Variants in LAMA4 observed in about 807,000 individuals in gnomAD.
The protein encoded by LAMA4 is laminin subunit alpha-4.
A neutral mutation model predicts 207.1 loss-of-function variants in LAMA4; 127 were observed. That is an observed-to-expected ratio of 0.61 (90% CI 0.53 to 0.71). The LOEUF is 0.71. Ranked by LOEUF, LAMA4 falls within the 30% of genes least tolerant of loss-of-function variation. The pLI is 0.00. For synonymous variants in LAMA4, 761 were observed against 816.0 expected, an observed-to-expected ratio of 0.93 and a Z score of 1.15; for missense variants, 2,093 against 2,246.5, an observed-to-expected ratio of 0.93 and a Z score of 1.38.
chr6:112,244,303 A>T (rs1319280308), intron 2 of LAMA4, among the ~76,000 whole-genome samples: 3 of 152,190 alleles, frequency 2.0e-5, no homozygotes, highest in African/African-American at 4.8e-5. Flanking sequence ...AACTCCCACC[A>T]GCACCGTGAC....
At chr6:112,223,281 G>C (rs536043831) in intron 2 of LAMA4, among the ~76,000 whole-genome samples, 7 of 152,254 alleles carry the variant, frequency 4.6e-5, no homozygotes, top group African/African-American at 1.7e-4. Flanking sequence ...CGGCACACAA[G>C]GGTTAGCAAT....
At chr6:112,138,303 G>A (rs1361552387) in intron 24 of LAMA4, among the ~76,000 whole-genome samples, 2 of 152,134 alleles carry the variant, frequency 1.3e-5, no homozygotes, top group African/African-American at 4.8e-5. Flanking sequence ...TGAGTTAGTA[G>A]GCACAGCTAA....
At chr6:112,199,518 A>G (rs59801530) in intron 5 of LAMA4, among the ~76,000 whole-genome samples, 3,861 of 152,266 alleles carry the variant, frequency 0.025, 174 homozygotes, top group African/African-American at 0.089. Context: ...TCTCCAAGTA[A>G]GGAAATATAG....
At chr6:112,123,291 A>G (rs1778485495) in intron 31 of LAMA4, among the ~76,000 whole-genome samples, 1 of 152,202 alleles carries the variant, frequency 6.6e-6, no homozygotes, top group Non-Finnish European at 1.5e-5. Flanking sequence ...GCACACTCAC[A>G]GGCAACAGAC....
intron 2 of LAMA4, among the ~76,000 whole-genome samples, chr6:112,241,136 G>GAATATATATATGAATATATAT (rs1562101883): frequency 3.2e-5 from 2 of 61,962 alleles, no homozygotes; most frequent in African/African-American, 1.2e-4. Flanking sequence ...TGAATATATA[G>GAATATATATATGAATATATAT]GAATATATAT....
At chr6:112,147,672 G>A (rs190942229) in intron 18 of LAMA4, among the ~76,000 whole-genome samples, 1 of 152,252 alleles carries the variant, frequency 6.6e-6, no homozygotes, top group East Asian at 1.9e-4. Flanking sequence ...CCAACACGCT[G>A]TTCTTAATAG....
Position 112,142,492 on chromosome 6 carries a change from C to CA in LAMA4, c.2494-201dup, listed in dbSNP as rs34291448. Among the ~76,000 whole-genome samples, 40,710 of 149,640 alleles carry CA rather than the reference C, an allele frequency of 0.27. 5,511 individuals are homozygous for CA. Among genetic ancestry groups the CA allele is most frequent in the East Asian group, 0.34 (1,732 of 5,106 alleles). ...TAGTTTAAAGTGGGGTGAAAGAAAG[C>CA]AAAAAAAAAGTGGTGACTAAGTAGA... On this transcript the variant is annotated intron_variant, in intron 19 of 38. Transcript: ENST00000230538.
intron 5 of LAMA4, among the ~76,000 whole-genome samples, chr6:112,200,997 G>A (rs1212866093): frequency 4.0e-5 from 6 of 150,866 alleles, no homozygotes; most frequent in Non-Finnish European, 5.9e-5. Context: ...AAACCTGCAC[G>A]TTCTGCACAT....
chr6:112,137,235 G>A (rs940766043), intron 24 of LAMA4, among the ~76,000 whole-genome samples: 5 of 152,138 alleles, frequency 3.3e-5, no homozygotes, highest in Non-Finnish European at 7.3e-5. Context: ...GAAAAATAAA[G>A]CATTGTGGCA....
chr6:112,211,910 A>T (rs1309880410), intron 3 of LAMA4, among the ~76,000 whole-genome samples: 1 of 152,164 alleles, frequency 6.6e-6, no homozygotes, highest in African/African-American at 2.4e-5. Context: ...GAGACAGAGT[A>T]GAGGAAGGAG....
At chr6:112,245,917 T>C (rs1265642179) in intron 2 of LAMA4, among the ~76,000 whole-genome samples, 1 of 152,210 alleles carries the variant, frequency 6.6e-6, no homozygotes, top group Non-Finnish European at 1.5e-5. Context: ...TTTTTTTCTT[T>C]ATGGAGAGGA....
At chr6:112,143,284 C>CTTTT (rs61620762) in intron 19 of LAMA4, among the ~76,000 whole-genome samples, 14 of 124,882 alleles carry the variant, frequency 1.1e-4, no homozygotes, top group African/African-American at 3.2e-4. Context: ...AAAACTAATA[C>CTTTT]TTTTTTTTTT....
chr6:112,174,377 A>G (rs1223773048), intron 11 of LAMA4, among the ~76,000 whole-genome samples: 1 of 152,220 alleles, frequency 6.6e-6, no homozygotes, highest in Non-Finnish European at 1.5e-5. Flanking sequence ...AGCTCAACCA[A>G]TATATGTCAC....
Position 112,173,476 on chromosome 6 carries a change from T to C in LAMA4, c.1358-672A>G, listed in dbSNP as rs964767849. ...GAACACAAAAGTTCCTGGCTGAGTA[T>C]AGAAAGTGTTGGAAAATGCATTCTA... On this transcript the variant is annotated intron_variant, in intron 11 of 38. Coordinates refer to ENST00000230538, the MANE Select transcript of LAMA4 (RefSeq NM_001105206.3). 1.2e-4 allele frequency among the ~76,000 whole-genome samples: 18 copies of C among 152,348 alleles called. 1 individual carries two copies. The highest frequency in any genetic ancestry group is 4.1e-4 in the African/African-American group (17 of 41,578).
intron 9 of LAMA4, among the ~76,000 whole-genome samples, chr6:112,184,749 T>A (rs1782584431): frequency 6.6e-6 from 1 of 152,226 alleles, no homozygotes; most frequent in Non-Finnish European, 1.5e-5. Context: ...TTTATTTTAG[T>A]CTGTGGTATA....
At chr6:112,201,515 C>T (rs9487846) in intron 5 of LAMA4, 93 bp downstream of exon 5, 7 of 1,030,524 alleles carry the variant, frequency 6.8e-6, no homozygotes, top group Non-Finnish European at 9.3e-6. Context: ...TCCTTCAGGA[C>T]CCACTGAATG....
chr6:112,245,869 C>T (rs1283517585), intron 2 of LAMA4, among the ~76,000 whole-genome samples: 5 of 152,144 alleles, frequency 3.3e-5, no homozygotes, highest in Admixed American at 6.5e-5. Flanking sequence ...TATATTCACC[C>T]GTCTCTCCTC....
intron 16 of LAMA4, among the ~76,000 whole-genome samples, chr6:112,152,111 CT>C (rs1562666987): frequency 6.6e-6 from 1 of 151,920 alleles, no homozygotes; most frequent in African/African-American, 2.4e-5. Context: ...TATAATTTTC[CT>C]TTTTAATAAT....
chr6:112,141,692 G>A (rs1224462291), intron 20 of LAMA4, among the ~76,000 whole-genome samples, 189 bp from the exon 21 acceptor site: 4 of 152,164 alleles, frequency 2.6e-5, no homozygotes, highest in South Asian at 4.1e-4. Flanking sequence ...CCACATCAGA[G>A]TCTGCTGGCC....
Sources: gnomAD v4.1 joint callset for allele counts (sites outside exome capture counted in the v4.1 genomes callset) on GRCh38, gnomAD v4.1.1 for gene constraint, MANE v1.5 for transcripts, NCBI Gene and HGNC (gene_info 2026-07-23, HGNC 2026-07-21) for gene names.